STRC: variants seen among roughly 807,000 people sequenced by gnomAD.
The protein encoded by STRC is stereocilin.
STRC carries 43 observed loss-of-function variants against 103.5 expected under a neutral mutation model. That is an observed-to-expected ratio of 0.42 (90% CI 0.33 to 0.54). The LOEUF (loss-of-function observed/expected upper bound fraction) is 0.54, where lower values mean the gene tolerates loss of function less well. STRC is among the 20% of genes least tolerant of loss of function. STRC has a pLI of 0.14. For missense variants in STRC, 499 were observed against 1,088.5 expected (o/e 0.46, Z 7.62); for synonymous variants, 186 against 442.3 (o/e 0.42, Z 7.27).
At chr15:43,603,882 T>A (rs1461051059) in intron 22 of STRC, 114 bp downstream of exon 22, 1 of 1,561,060 alleles carries the variant, frequency 6.4e-7, no homozygotes, top group Admixed American at 1.9e-5. Context: ...CCCTCTAAAC[T>A]CTTTGCTTTA....
rs767260013 is a variant in STRC, at chr15:43,600,571, C to T, written c.4956G>A (p.Trp1652Ter). The T allele has an allele frequency of 6.2e-7, 1 of 1,613,472 alleles. No homozygotes were observed. The highest frequency in any genetic ancestry group is 8.5e-7 in the Non-Finnish European group (1 of 1,179,836). Residue 1652 changes from tryptophan (W) to a stop codon, truncating the protein, a stop_gained, in exon 26 of 29, where the codon TGG becomes TGA. Coordinates refer to ENST00000450892, the MANE Select transcript of STRC (RefSeq NM_153700.2). LOFTEE classifies it high-confidence loss of function. Reference sequence around the variant, plus strand: ...CAATTTCAGTGAAGATCTCAGGCCCCCAGTTACTGATTGGGCCAAACCCAC... The same window carrying T: ...CAATTTCAGTGAAGATCTCAGGCCCTCAGTTACTGATTGGGCCAAACCCAC... ...LPGGFGPISN[W>*]GPEIFTEIGT...
rs1163235481 is a variant in STRC, at chr15:43,603,250, C to T, written c.4537G>A (p.Ala1513Thr). The change falls in exon 23 of 29, where the codon GCA becomes ACA. Residue 1513 changes from alanine (A) to threonine (T), a missense_variant. Transcript: ENST00000450892. ...GGCTCTCCATCCCTAACCTGTTTTG[C>T]TTTGCCCATGGCTGCCCGCAGTTCC... ...PEELRAAMGK[A>T]KQLWGPPRGF... 2 of 1,613,568 alleles carry T rather than the reference C, an allele frequency of 1.2e-6. No homozygotes were observed. The highest frequency in any genetic ancestry group is 8.5e-7 in the Non-Finnish European group (1 of 1,179,768).
rs372110424 is a variant in STRC at position 43,601,549 on chromosome 15, C to T, written c.4548G>A (p.Leu1516=). The part of the protein sequence containing the change: ...LRAAMGKAKQ[L]WGPPRGFRPE... ...GACGAAATCCCCGGGGGGGACCCCA[C>T]AACTAGGAGAAAGACAGGAACAATG... Residue 1516 remains leucine (L), a splice_region_variant and synonymous_variant, in exon 24 of 29, where the codon TTG becomes TTA. Transcript: ENST00000450892. The T allele has an allele frequency of 2.2e-5, 35 of 1,613,630 alleles. No individual in the cohort carries two copies. Among genetic ancestry groups the T allele is most frequent in the Non-Finnish European group, 2.7e-5 (32 of 1,179,798 alleles).
intron 20 of STRC, 88 bp from the exon 21 acceptor site, chr15:43,604,539 A>G: frequency 6.2e-7 from 1 of 1,609,846 alleles, no homozygotes; most frequent in South Asian, 1.1e-5. Flanking sequence ...AGGATTTCGG[A>G]CACAGGGCTC....
intron 27 of STRC, 41 bp downstream of exon 27, chr15:43,600,155 C>T: frequency 1.3e-6 from 2 of 1,570,860 alleles, no homozygotes; most frequent in Non-Finnish European, 1.7e-6. Context: ...CCCCATTGGG[C>T]CCTGGCTCTC....
intron 22 of STRC, 40 bp downstream of exon 22, chr15:43,603,956 G>GTACA (rs1567117412): frequency 6.2e-7 from 1 of 1,611,770 alleles, no homozygotes; most frequent in African/African-American, 1.3e-5. Context: ...GATACTCCCT[G>GTACA]TACATCCTGC....
At chr15:43,605,827 A>T (rs2085708389) in intron 18 of STRC, among the ~76,000 whole-genome samples, 1 of 34,424 alleles carries the variant, frequency 2.9e-5, no homozygotes, top group South Asian at 9.8e-4. Context: ...CGTGCTATAC[A>T]ATTTACAAAG....
chr15:43,601,434 T>G lies in STRC; in HGVS notation c.4663A>C (p.Ser1555Arg), dbSNP rs1279351485. 6.2e-7 allele frequency: 1 copy of G among 1,613,766 alleles called. No homozygotes were observed. The highest frequency in any genetic ancestry group is 8.5e-7 in the Non-Finnish European group (1 of 1,179,858). Residue 1555 changes from serine (S) to arginine (R), a missense_variant, in exon 24 of 29, where the codon AGC becomes CGC. By Grantham distance (110) the Ser-to-Arg change is moderately radical (BLOSUM62 -1). Coordinates refer to ENST00000450892, the MANE Select transcript of STRC (RefSeq NM_153700.2). ...ELILVDWGVL[S>R]TLGQIDGWST... Reference sequence around the variant, plus strand: ...CAGCCATCTATCTGCCCCAGGGTGCTCAGCACTCCCCAGTCCACTAGGATC... The same window carrying G: ...CAGCCATCTATCTGCCCCAGGGTGCGCAGCACTCCCCAGTCCACTAGGATC...
chr15:43,609,363 C>T, intron 15 of STRC, 29 bp from the exon 16 acceptor site: 1 of 1,595,252 alleles, frequency 6.3e-7, no homozygotes, highest in Admixed American at 1.7e-5. Flanking sequence ...CGAGCCCCTT[C>T]CCAGAAGAGA....
chr15:43,600,793 C>G, intron 25 of STRC, 79 bp downstream of exon 25: 1 of 1,613,244 alleles, frequency 6.2e-7, no homozygotes, highest in Admixed American at 1.7e-5. Context: ...TCCATGGGAC[C>G]AGACCTTCAT....
chr15:43,604,395 G>A lies in STRC; in HGVS notation c.4184C>T (p.Thr1395Ile), dbSNP rs1324171395. Residue 1395 changes from threonine (T) to isoleucine (I), a missense_variant, in exon 21 of 29, where the codon ACT (threonine) becomes ATT (isoleucine). Thr to Ile is a moderately conservative substitution (Grantham distance 89). Transcript: ENST00000450892. ...CAAGGAAATTGCCTCAGTAGACAGAGTGAATACTAGGCGTCCAGCTTGCTC... is the reference window on the plus strand; with the variant it reads ...CAAGGAAATTGCCTCAGTAGACAGAATGAATACTAGGCGTCCAGCTTGCTC... Reference protein sequence around the residue: ...EVEQAGRLVFTLSTEAISLIP... With the variant: ...EVEQAGRLVFILSTEAISLIP... 4 of 1,585,710 alleles carry A rather than the reference G, an allele frequency of 2.5e-6. No homozygotes were observed. The highest frequency in any genetic ancestry group is 2.3e-5 in the East Asian group (1 of 44,328).
chr15:43,608,134 G>A lies in STRC; in HGVS notation c.3627C>T (p.Phe1209=), dbSNP rs2085724586. 1 of 1,607,316 alleles carries A rather than the reference G, an allele frequency of 6.2e-7. No individual in the cohort carries two copies. The highest frequency in any genetic ancestry group is 1.1e-5 in the South Asian group (1 of 90,892). The part of the protein sequence containing the change: ...FLQQINSMVD[F]LEVVHMIYQL... The stretch of plus-strand genomic sequence containing the variant: ...GATAGATCATGTGCACCACTTCAAG[G>A]AAGTCTACCATGGAGTTGATCTGCT... The change falls in exon 17 of 29, where the codon TTC becomes TTT. Residue 1209 remains phenylalanine (F), a synonymous_variant. Transcript: ENST00000450892.
At chr15:43,603,468 G>T in intron 22 of STRC, 57 bp from the exon 23 acceptor site, 2 of 1,553,048 alleles carry the variant, frequency 1.3e-6, no homozygotes, top group Non-Finnish European at 1.8e-6. Flanking sequence ...TGCCCAGAGA[G>T]ATATCTGTAG....
In STRC at chr15:43,600,682, G is replaced by C; in HGVS notation, c.4845C>G (p.Ser1615Arg). 1.2e-6 allele frequency: 2 copies of C among 1,613,434 alleles called. No individual in the cohort carries two copies. The highest frequency in any genetic ancestry group is 1.7e-6 in the Non-Finnish European group (2 of 1,179,708). The change falls in exon 26 of 29, where the codon AGC (serine) becomes AGG (arginine). Residue 1615 changes from serine (S) to arginine (R), a missense_variant and splice_region_variant. Physicochemically the swap from Ser to Arg is moderately radical, Grantham distance 110. Coordinates refer to ENST00000450892, the MANE Select transcript of STRC (RefSeq NM_153700.2). ...GGGTGCCGAGGAAGAGAGCTGCTTG[G>C]CTGTAGAACAGTAGGAAGGAAGGAA... Reference protein sequence around the residue: ...ELQHISSWEFSQAALFLGTLH... With the variant: ...ELQHISSWEFRQAALFLGTLH...
At position 43,614,396 on chromosome 15, in the gene STRC, G is replaced by A; in HGVS notation, c.2196+18C>T. On this transcript the variant is annotated intron_variant, in intron 5 of 28. Coordinates refer to ENST00000450892, the MANE Select transcript of STRC (RefSeq NM_153700.2). ...CATGGCTGTCACCCAGCCCACCCAT[G>A]TGCCCTCCACCTGTTACCTGCACTA... 1 of 463,914 alleles carries A rather than the reference G, an allele frequency of 2.2e-6. No homozygotes were observed. The highest frequency in any genetic ancestry group is 1.9e-5 in the South Asian group (1 of 51,926). 28.7% of individuals were successfully genotyped at this position (463,914 alleles called of 1,614,324 possible).
intron 24 of STRC, 136 bp from the exon 25 acceptor site, chr15:43,601,150 G>C: frequency 1.2e-6 from 1 of 853,814 alleles, no homozygotes; most frequent in Non-Finnish European, 1.8e-6. Context: ...TGAGGACTCA[G>C]AAAAGAAAAG....
chr15:43,608,091 G>A lies in STRC; in HGVS notation c.3670C>T (p.Arg1224Ter), dbSNP rs727503444. The change falls in exon 17 of 29, where the codon CGA becomes TGA. Residue 1224 changes from arginine (R) to a stop codon, truncating the protein, a stop_gained. Coordinates refer to ENST00000450892, the MANE Select transcript of STRC (RefSeq NM_153700.2). LOFTEE classifies it high-confidence loss of function. Reference protein sequence around the residue: ...HMIYQLPTRVRGSLRACIWAE... With the variant: ...HMIYQLPTRV ...GCACCCCCTCTCACCAGGCTCCCTCGAACTCTAGTGGGCAGCTGATAGATC... is the reference window on the plus strand; with the variant it reads ...GCACCCCCTCTCACCAGGCTCCCTCAAACTCTAGTGGGCAGCTGATAGATC... The A allele has an allele frequency of 7.0e-5, 112 of 1,609,882 alleles. 1 individual carries two copies. Among genetic ancestry groups the A allele is most frequent in the South Asian group, 1.4e-4 (13 of 91,008 alleles).
chr15:43,603,401 T>C lies in STRC; in HGVS notation c.4386A>G (p.Pro1462=), dbSNP rs762649278. 6.4e-5 allele frequency: 103 copies of C among 1,613,458 alleles called. No homozygotes were observed. Among genetic ancestry groups the C allele is most frequent in the Non-Finnish European group, 8.0e-5 (94 of 1,179,882 alleles). The change falls in exon 23 of 29, where the codon CCA becomes CCG. Residue 1462 remains proline (P), a synonymous_variant. Coordinates refer to ENST00000450892, the MANE Select transcript of STRC (RefSeq NM_153700.2). ...ATGTCCCTCGTACATCTGCACAATT[T>C]GGCACAGGTTCTGAAGGGGGAAGGC... ...PAAEDLPEPV[P]NCADVRGTFP...
chr15:43,603,627 G>C, intron 22 of STRC: 2 of 656,666 alleles, frequency 3.0e-6, no homozygotes, highest in Non-Finnish European at 5.3e-6. Context: ...GGAAGACTGA[G>C]GATGTTATTC....
Sources: gnomAD v4.1 joint callset for allele counts (sites outside exome capture counted in the v4.1 genomes callset) on GRCh38, gnomAD v4.1.1 for gene constraint, MANE v1.5 for transcripts, NCBI Gene and HGNC (gene_info 2026-07-23, HGNC 2026-07-21) for gene names.